STX8: variants seen among roughly 807,000 people sequenced by gnomAD.
STX8 encodes the protein syntaxin 8.
STX8 carries 23 observed loss-of-function variants against 37.5 expected under a neutral mutation model. The ratio of observed to expected loss-of-function variants is 0.61; its 90% CI spans 0.44 to 0.87. The LOEUF is 0.87. Ranked by LOEUF, STX8 falls within the 40% of genes least tolerant of loss-of-function variation. The pLI, the probability that STX8 is intolerant of heterozygous loss-of-function variation, is 0.00. For missense variants in STX8, 313 were observed against 284.7 expected, an observed-to-expected ratio of 1.10 and a Z score of -0.71; for synonymous variants, 115 against 99.1, an observed-to-expected ratio of 1.16 and a Z score of -0.95.
chr17:9,468,310 A>G (rs1333142647), intron 6 of STX8, among the ~76,000 whole-genome samples: 1 of 152,076 alleles, frequency 6.6e-6, no homozygotes, highest in Non-Finnish European at 1.5e-5. Context: ...GGGTTTCACC[A>G]TGTTGGCCAG....
chr17:9,547,627 C>CAAAAAAAAAA (rs11377271), intron 3 of STX8, among the ~76,000 whole-genome samples: 28 of 53,290 alleles, frequency 5.3e-4, no homozygotes, highest in African/African-American at 2.1e-3. Flanking sequence ...GACTCCGTCT[C>CAAAAAAAAAA]AAAAAAAAAA....
intron 6 of STX8, among the ~76,000 whole-genome samples, chr17:9,412,126 A>G (rs1008287927): frequency 1.3e-5 from 2 of 152,208 alleles, no homozygotes; most frequent in Non-Finnish European, 2.9e-5. Flanking sequence ...ACACAAATAC[A>G]TAGTCCAAGG....
intron 7 of STX8, among the ~76,000 whole-genome samples, chr17:9,279,944 A>G (rs991891720): frequency 1.7e-4 from 26 of 152,264 alleles, no homozygotes; most frequent in Non-Finnish European, 2.5e-4. Flanking sequence ...AAAATCAATC[A>G]GAAAATATAA....
At chr17:9,407,078 A>C (rs1912826702) in intron 6 of STX8, among the ~76,000 whole-genome samples, 1 of 152,266 alleles carries the variant, frequency 6.6e-6, no homozygotes, top group Non-Finnish European at 1.5e-5. Flanking sequence ...TAACTGAATA[A>C]TAAACAGGTC....
chr17:9,451,592 T>C (rs1905041987), intron 6 of STX8, among the ~76,000 whole-genome samples: 1 of 152,194 alleles, frequency 6.6e-6, no homozygotes. Context: ...TCCTATGATA[T>C]ATATGTCCAA....
chr17:9,449,482 C>A (rs1250190749), intron 6 of STX8, among the ~76,000 whole-genome samples: 1 of 152,154 alleles, frequency 6.6e-6, no homozygotes, highest in Non-Finnish European at 1.5e-5. Flanking sequence ...ATGGCGTGAA[C>A]CCCGGGGGAC....
chr17:9,369,505 C>T (rs142554490), intron 7 of STX8, among the ~76,000 whole-genome samples: 1 of 152,100 alleles, frequency 6.6e-6, no homozygotes, highest in African/African-American at 2.4e-5. Flanking sequence ...CTCTGAGAGA[C>T]AAAAGTAGCT....
In STX8 at chr17:9,507,727, C is replaced by T. The variant is rs1209293383; in HGVS notation, c.324-2565G>A. Among the ~76,000 whole-genome samples the T allele has an allele frequency of 1.3e-5, 2 of 152,198 alleles. No individual in the cohort carries two copies. The highest frequency in any genetic ancestry group is 2.9e-5 in the Non-Finnish European group (2 of 68,044). On this transcript the variant is annotated intron_variant, in intron 4 of 7. Coordinates refer to ENST00000306357, the MANE Select transcript of STX8 (RefSeq NM_004853.3). This position sits in a 1 kb window ranked among gnomAD's most constrained non-coding sequence, Gnocchi z 4.0. ...ATGCATCGCTGACCTGACAAATAGC[C>T]CGGTGAACACATCCCTGGCAAAGTC...
chr17:9,483,796 C>T (rs1445164151), intron 6 of STX8, among the ~76,000 whole-genome samples: 1 of 152,272 alleles, frequency 6.6e-6, no homozygotes, highest in African/African-American at 2.4e-5. Context: ...GTGTGTCACA[C>T]AAAGCAGAGA....
chr17:9,495,184 C>CT (rs34721583), intron 5 of STX8, among the ~76,000 whole-genome samples: 10 of 152,236 alleles, frequency 6.6e-5, no homozygotes, highest in South Asian at 2.1e-4. Flanking sequence ...ACACACTGTA[C>CT]TTTTTTTAAC....
intron 6 of STX8, among the ~76,000 whole-genome samples, chr17:9,480,377 AG>A (rs1906276357): frequency 6.6e-6 from 1 of 152,172 alleles, no homozygotes. Context: ...TTTTCTTATT[AG>A]GAAAAGAAAA....
At chr17:9,263,810 C>T (rs549170726) in intron 7 of STX8, among the ~76,000 whole-genome samples, 10 of 152,314 alleles carry the variant, frequency 6.6e-5, no homozygotes, top group African/African-American at 1.7e-4. Context: ...TATTTTCTGA[C>T]GGCATTTCTC....
At chr17:9,462,672 G>A (rs1361490745) in intron 6 of STX8, among the ~76,000 whole-genome samples, 3 of 151,782 alleles carry the variant, frequency 2.0e-5, no homozygotes, top group Admixed American at 6.6e-5. Context: ...GCAGTGAGCC[G>A]AGATCACACC....
chr17:9,496,465 A>G (rs1904411759), intron 5 of STX8, among the ~76,000 whole-genome samples: 1 of 152,246 alleles, frequency 6.6e-6, no homozygotes, highest in Non-Finnish European at 1.5e-5. Context: ...TCATGATGAT[A>G]TCACAAGAGG....
At chr17:9,255,839 T>C (rs1034467014) in intron 7 of STX8, among the ~76,000 whole-genome samples, 1 of 152,228 alleles carries the variant, frequency 6.6e-6, no homozygotes, top group Non-Finnish European at 1.5e-5. Context: ...AACTGCTGTC[T>C]TTTGGATTCT....
chr17:9,334,360 A>T (rs1230039933), intron 7 of STX8, among the ~76,000 whole-genome samples: 2 of 152,164 alleles, frequency 1.3e-5, no homozygotes, highest in Non-Finnish European at 2.9e-5. Context: ...GTCCCCAGGC[A>T]AGAAGGAAAT....
intron 5 of STX8, among the ~76,000 whole-genome samples, chr17:9,499,188 G>C (rs77402229): frequency 6.6e-6 from 1 of 152,090 alleles, no homozygotes; most frequent in African/African-American, 2.4e-5. Context: ...GGGATTCCAC[G>C]GGCTAAAGGA....
At position 9,410,488 on chromosome 17, in the gene STX8, G is replaced by A. The variant is rs149497123; in HGVS notation, c.542-31835C>T. On this transcript the variant is annotated intron_variant, in intron 6 of 7. Coordinates refer to ENST00000306357, the MANE Select transcript of STX8 (RefSeq NM_004853.3). The stretch of plus-strand genomic sequence containing the variant: ...CCCACACGTCATAAAACGCGGTAAC[G>A]TGCCATGCAATCAGGCACGCTCAGT... Among the ~76,000 whole-genome samples, 407 of 152,230 alleles carry A rather than the reference G, an allele frequency of 2.7e-3. 2 individuals are homozygous for A. Among genetic ancestry groups the A allele is most frequent in the African/African-American group, 9.3e-3 (387 of 41,536 alleles).
At chr17:9,345,676 T>A (rs1910506419) in intron 7 of STX8, among the ~76,000 whole-genome samples, 1 of 128,548 alleles carries the variant, frequency 7.8e-6, no homozygotes, top group Admixed American at 9.5e-5. Flanking sequence ...AGTTAACATA[T>A]CCCTTATCTC....
Sources: allele counts gnomAD v4.1 joint callset (sites outside exome capture counted in the v4.1 genomes callset), GRCh38; gene constraint gnomAD v4.1.1; non-coding constraint Gnocchi (gnomAD v3.1); transcripts MANE v1.5; gene names NCBI Gene and HGNC (gene_info 2026-07-23, HGNC 2026-07-21).